Variants in PDE6B observed in about 807,000 individuals in gnomAD.
The protein encoded by PDE6B is rod cGMP-specific 3',5'-cyclic phosphodiesterase subunit beta.
Under a neutral mutation model 109.0 loss-of-function variants are expected in PDE6B, and 106 were observed. The observed-to-expected ratio is 0.97, with a 90% confidence interval of 0.83 to 1.14. PDE6B has a LOEUF of 1.14. PDE6B is among the 50% of genes most tolerant of loss of function. The probability of loss-of-function intolerance (pLI) is 0.00; values close to 1 mark genes in which losing one functional copy is unlikely to be tolerated. For missense variants in PDE6B, 1,193 were observed against 1,155.6 expected (o/e 1.03, Z -0.47); for synonymous variants, 490 against 471.3 (o/e 1.04, Z -0.51).
intron 2 of PDE6B, among the ~76,000 whole-genome samples, chr4:635,303 G>A (rs1424159370): frequency 2.9e-5 from 4 of 139,308 alleles, no homozygotes; most frequent in Non-Finnish European, 4.6e-5. Context: ...CTCCCTGCCC[G>A]CCTGCCCGCG....
In PDE6B at chr4:666,604, T is replaced by G. The variant is rs1737826137; in HGVS notation, c.2342T>G (p.Phe781Cys). ...QVGFIDFVCT[F>C]VYKEFSRFHE... ...GGCTTCATCGACTTCGTGTGCACAT[T>G]CGTGTACAAGGCGAGTGGTTCACGG... The change falls in exon 20 of 22, where the codon TTC (phenylalanine) becomes TGC (cysteine). Residue 781 changes from phenylalanine to cysteine, a missense_variant. Coordinates refer to ENST00000496514, the MANE Select transcript of PDE6B (RefSeq NM_000283.4). The surrounding 1 kb of genome is among the most constrained non-coding windows in gnomAD (Gnocchi z 5.6). The G allele has an allele frequency of 6.2e-7, 1 of 1,607,454 alleles. No homozygotes were observed. The highest frequency in any genetic ancestry group is 1.3e-5 in the African/African-American group (1 of 74,864).
intron 5 of PDE6B, 144 bp downstream of exon 5, chr4:654,298 C>G: frequency 1.3e-6 from 1 of 742,740 alleles, no homozygotes; most frequent in Non-Finnish European, 2.4e-6. Context: ...TGTCTGTGGT[C>G]TCCACCAGGC....
chr4:634,844 C>T lies in PDE6B; in HGVS notation c.621+15C>T, dbSNP rs1734569119. The stretch of plus-strand genomic sequence containing the variant: ...AAGACGAAGATGTGAGTGTGGGGGG[C>T]ACCTGGGCAGCCGCGCGTCTGCCTC... On this transcript the variant is annotated intron_variant, in intron 2 of 21. Coordinates refer to ENST00000496514, the MANE Select transcript of PDE6B (RefSeq NM_000283.4). 1.2e-6 allele frequency: 2 copies of T among 1,612,166 alleles called. No homozygotes were observed. Among genetic ancestry groups the T allele is most frequent in the Non-Finnish European group, 8.5e-7 (1 of 1,178,322 alleles).
intron 10 of PDE6B, 52 bp from the exon 11 acceptor site, chr4:658,900 C>T: frequency 1.5e-6 from 2 of 1,360,332 alleles, no homozygotes; most frequent in Non-Finnish European, 2.1e-6. Flanking sequence ...CCGCCGTCAC[C>T]TTGTCCCACA....
Position 663,748 on chromosome 4 carries a change from G to C in PDE6B, c.1921-22G>C, listed in dbSNP as rs1737420707. ...GAGAGGTGGCCGCAGGGCGCCTGACGCGCTGGGCATAACCTCCGCAGACCC... is the reference window on the plus strand; with the variant it reads ...GAGAGGTGGCCGCAGGGCGCCTGACCCGCTGGGCATAACCTCCGCAGACCC... On this transcript the variant is annotated intron_variant, in intron 15 of 21. Transcript: ENST00000496514. This position sits in a 1 kb window ranked among gnomAD's most constrained non-coding sequence, Gnocchi z 4.0. 1.3e-6 allele frequency: 2 copies of C among 1,593,658 alleles called. No individual in the cohort carries two copies. Among genetic ancestry groups the C allele is most frequent in the Non-Finnish European group, 1.7e-6 (2 of 1,163,012 alleles).
At chr4:657,112 G>A (rs1178174981) in intron 9 of PDE6B, 89 bp downstream of exon 9, 12 of 1,375,278 alleles carry the variant, frequency 8.7e-6, no homozygotes, top group South Asian at 2.3e-5. Flanking sequence ...CCAAGCATTC[G>A]GCTGTGTGCG....
intron 1 of PDE6B, 25 bp from the exon 2 acceptor site, chr4:634,643 CAGCCTCTTT>C: frequency 6.3e-7 from 1 of 1,591,788 alleles, no homozygotes; most frequent in Admixed American, 1.7e-5. Context: ...CACGGTGCGA[CAGCCTCTTT>C]AGCCTCTTTC....
chr4:625,933 G>T lies in PDE6B; in HGVS notation c.307G>T (p.Val103Leu). ...SLFMYRQRNGVAELATRLFSV... is the reference protein window; with the variant it reads ...SLFMYRQRNGLAELATRLFSV... ...CTTCATGTACCGCCAGCGCAACGGC[G>T]TGGCCGAGCTGGCCACCAGGCTTTT... is the stretch of plus-strand genomic sequence containing the variant. The change falls in exon 1 of 22, where the codon GTG (valine) becomes TTG (leucine). Residue 103 changes from valine (V) to leucine (L), a missense_variant. Physicochemically the swap from Val to Leu is conservative, Grantham distance 32. Transcript: ENST00000496514. The surrounding 1 kb of genome is among the most constrained non-coding windows in gnomAD (Gnocchi z 5.0). The T allele has an allele frequency of 6.3e-7, 1 of 1,594,606 alleles. No homozygotes were observed. Among genetic ancestry groups the T allele is most frequent in the Non-Finnish European group, 8.5e-7 (1 of 1,170,912 alleles).
rs377184538 is a variant in PDE6B at position 629,290 on chromosome 4, C to A, written c.468+3196C>A. 1.5e-3 allele frequency among the ~76,000 whole-genome samples: 223 copies of A among 152,322 alleles called. 1 individual carries two copies. Among genetic ancestry groups the A allele is most frequent in the African/African-American group, 5.1e-3 (214 of 41,566 alleles). On this transcript the variant is annotated intron_variant, in intron 1 of 21. Coordinates refer to ENST00000496514, the MANE Select transcript of PDE6B (RefSeq NM_000283.4). ...ACCTGATGAGGGGGAAGCCACCAGC[C>A]CCCCCATCACCCCTTTGTGGCTCCT... is the stretch of plus-strand genomic sequence containing the variant.
At chr4:629,494 G>A (rs1734276866) in intron 1 of PDE6B, among the ~76,000 whole-genome samples, 1 of 152,240 alleles carries the variant, frequency 6.6e-6, no homozygotes, top group Non-Finnish European at 1.5e-5. Flanking sequence ...TGTGCATGCA[G>A]CCTCAGCCTC....
At position 663,930 on chromosome 4, in the gene PDE6B, C is replaced by A; in HGVS notation, c.2021+60C>A. ...CGGGCGGGTAGCCTGGGACCCCCGG[C>A]AGACACGGGGGCGCAGCGGCGGCAC... On this transcript the variant is annotated intron_variant, in intron 16 of 21. Coordinates refer to ENST00000496514, the MANE Select transcript of PDE6B (RefSeq NM_000283.4). This position sits in a 1 kb window ranked among gnomAD's most constrained non-coding sequence, Gnocchi z 4.0. 7.7e-7 allele frequency: 1 copy of A among 1,300,160 alleles called. No individual in the cohort carries two copies. The highest frequency in any genetic ancestry group is 1.1e-6 in the Non-Finnish European group (1 of 922,294). 80.5% of individuals were successfully genotyped at this position (1,300,160 alleles called of 1,614,324 possible). A position where few individuals can be genotyped will look rare whatever the true frequency, so the allele number is the denominator to read the frequency against.
At chr4:655,201 G>A in intron 6 of PDE6B, 1 of 443,646 alleles carries the variant, frequency 2.3e-6, no homozygotes, top group Non-Finnish European at 4.2e-6. Flanking sequence ...AGCAACAATT[G>A]AGCATGAAGG....
At chr4:638,666 T>G (rs2109142860) in intron 3 of PDE6B, among the ~76,000 whole-genome samples, 1 of 152,274 alleles carries the variant, frequency 6.6e-6, no homozygotes, top group African/African-American at 2.4e-5. Context: ...TTATCAGATA[T>G]GTTTGCTTTG....
chr4:659,735 T>C (rs116219891), intron 11 of PDE6B, among the ~76,000 whole-genome samples: 1,763 of 151,558 alleles, frequency 0.012, 25 homozygotes, highest in African/African-American at 0.035. Flanking sequence ...CATGTGTGTG[T>C]GCTCACATGT....
In PDE6B at chr4:654,007, G is replaced by A. The variant is rs371254584; in HGVS notation, c.852+15G>A. Reference sequence around the variant, plus strand: ...CCAAGGAGAAGGTGAGGCTTCCGTGGCTCAGGGACCCCCTGCCTGGCCCGA... The same window carrying A: ...CCAAGGAGAAGGTGAGGCTTCCGTGACTCAGGGACCCCCTGCCTGGCCCGA... On this transcript the variant is annotated intron_variant, in intron 4 of 21. Coordinates refer to ENST00000496514, the MANE Select transcript of PDE6B (RefSeq NM_000283.4). The A allele has an allele frequency of 5.4e-5, 87 of 1,613,636 alleles. No homozygotes were observed. Among genetic ancestry groups the A allele is most frequent in the Non-Finnish European group, 6.1e-5 (72 of 1,180,014 alleles).
chr4:655,752 G>A (rs1015353974), intron 6 of PDE6B, 188 bp from the exon 7 acceptor site: 10 of 659,318 alleles, frequency 1.5e-5, no homozygotes, highest in African/African-American at 7.1e-5. Flanking sequence ...TACATCCAGC[G>A]CAGCCTGGCC....
intron 3 of PDE6B, among the ~76,000 whole-genome samples, chr4:638,614 C>T (rs933473336): frequency 3.3e-5 from 5 of 152,206 alleles, no homozygotes; most frequent in Admixed American, 1.3e-4. Flanking sequence ...TAAGCCACTG[C>T]ACCCAACCAG....
rs28615478 is a variant in PDE6B at position 634,467 on chromosome 4, C to T, written c.469-210C>T. Among the ~76,000 whole-genome samples the T allele has an allele frequency of 0.024, 3,619 of 152,200 alleles. 143 individuals are homozygous for T. The highest frequency in any genetic ancestry group is 0.083 in the African/African-American group (3,463 of 41,528). On this transcript the variant is annotated intron_variant, in intron 1 of 21. Coordinates refer to ENST00000496514, the MANE Select transcript of PDE6B (RefSeq NM_000283.4). ...AGCACTGGGGGGCACCAGCATCCTC[C>T]GCACAGGGGTGCATGGAGCCAGGCT... is the stretch of plus-strand genomic sequence containing the variant.
chr4:656,558 C>G (rs1206581423), intron 8 of PDE6B, among the ~76,000 whole-genome samples: 1 of 151,656 alleles, frequency 6.6e-6, no homozygotes, highest in Non-Finnish European at 1.5e-5. Flanking sequence ...CCCACACACC[C>G]CTGCGAGGCC....
Sources: allele counts gnomAD v4.1 joint callset (sites outside exome capture counted in the v4.1 genomes callset), GRCh38; gene constraint gnomAD v4.1.1; non-coding constraint Gnocchi (gnomAD v3.1); transcripts MANE v1.5; gene names NCBI Gene and HGNC (gene_info 2026-07-23, HGNC 2026-07-21).